The following MARCHF6 variants were observed in gnomAD, a reference collection of about 807,000 sequenced individuals.
MARCHF6 encodes the protein E3 ubiquitin-protein ligase MARCHF6.
MARCHF6 carries 31 observed loss-of-function variants against 133.7 expected under a neutral mutation model. The ratio of observed to expected loss-of-function variants is 0.23; its 90% CI spans 0.17 to 0.31. The LOEUF (loss-of-function observed/expected upper bound fraction) is 0.31, where lower values mean the gene tolerates loss of function less well. Ranked by LOEUF, MARCHF6 falls within the 10% of genes least tolerant of loss-of-function variation. MARCHF6 has a pLI of 1.00. For synonymous variants in MARCHF6, 395 were observed against 402.5 expected, an observed-to-expected ratio of 0.98 and a Z score of 0.22; for missense variants, 723 against 1,121.6, an observed-to-expected ratio of 0.64 and a Z score of 5.08.
intron 6 of MARCHF6, among the ~76,000 whole-genome samples, chr5:10,391,134 G>C (rs924869292): frequency 6.6e-6 from 1 of 152,086 alleles, no homozygotes; most frequent in Non-Finnish European, 1.5e-5. Flanking sequence ...CTAGTTTTTT[G>C]TTTGTTTTGG....
chr5:10,405,192 G>A (rs936569426), intron 15 of MARCHF6, among the ~76,000 whole-genome samples: 4 of 152,154 alleles, frequency 2.6e-5, no homozygotes, highest in Non-Finnish European at 5.9e-5. Flanking sequence ...ACAGGGGGAA[G>A]GCAAATCAGA....
intron 1 of MARCHF6, among the ~76,000 whole-genome samples, chr5:10,375,330 C>T (rs926261407): frequency 1.3e-5 from 2 of 152,198 alleles, no homozygotes; most frequent in Non-Finnish European, 2.9e-5. Flanking sequence ...GTACTGGGTC[C>T]CCCAGCAGTG....
chr5:10,398,291 AGAAGCCATGTGGTG>A (rs1221766294), intron 10 of MARCHF6, among the ~76,000 whole-genome samples: 1 of 152,202 alleles, frequency 6.6e-6, no homozygotes, highest in Non-Finnish European at 1.5e-5. Context: ...GTCTTTAATA[AGAAGCCATGTGGTG>A]TAAGGGGCTT....
At chr5:10,394,634 T>G (rs751648309) in intron 8 of MARCHF6, 119 bp from the exon 9 acceptor site, 2 of 715,456 alleles carry the variant, frequency 2.8e-6, no homozygotes, top group Non-Finnish European at 4.8e-6. Context: ...TTGGAAAGTA[T>G]AGGAAGTGGG....
intron 7 of MARCHF6, among the ~76,000 whole-genome samples, chr5:10,392,298 T>A (rs1269094698): frequency 2.0e-5 from 3 of 152,150 alleles, no homozygotes; most frequent in Non-Finnish European, 4.4e-5. Context: ...AGAAACTATT[T>A]TTTAAGTTGG....
rs908003205 is a variant in MARCHF6 at position 10,379,925 on chromosome 5, C to T, written c.190+1093C>T. Among the ~76,000 whole-genome samples, 7 of 152,130 alleles carry T rather than the reference C, an allele frequency of 4.6e-5. No individual in the cohort carries two copies. In the Middle Eastern group the frequency reaches 0.01, roughly 222 times the overall value. On this transcript the variant is annotated intron_variant, in intron 3 of 25. Coordinates refer to ENST00000274140, the MANE Select transcript of MARCHF6 (RefSeq NM_005885.4). The stretch of plus-strand genomic sequence containing the variant: ...TTGGCCAAACAAAGTTTTAAATTAC[C>T]GTTTTTTTCATGAGGCTAACTTTTA...
At chr5:10,413,187 C>CT in intron 19 of MARCHF6, 1 of 152,362 alleles carries the variant, frequency 6.6e-6, no homozygotes, top group Non-Finnish European at 1.5e-5. Context: ...TGAAGGTCAT[C>CT]TTTTCCTTTA....
chr5:10,418,771 A>T (rs1739674647), intron 22 of MARCHF6, among the ~76,000 whole-genome samples: 1 of 152,208 alleles, frequency 6.6e-6, no homozygotes, highest in Non-Finnish European at 1.5e-5. Flanking sequence ...CCAGATGAAA[A>T]TGAGGCTAGT....
At chr5:10,396,323 T>G (rs758024494) in intron 9 of MARCHF6, among the ~76,000 whole-genome samples, 2 of 152,154 alleles carry the variant, frequency 1.3e-5, no homozygotes, top group Non-Finnish European at 2.9e-5. Flanking sequence ...GATTAGGTCT[T>G]TCTTAGTGGA....
intron 1 of MARCHF6, among the ~76,000 whole-genome samples, chr5:10,373,006 G>A (rs1375118006): frequency 6.6e-6 from 1 of 151,918 alleles, no homozygotes; most frequent in Non-Finnish European, 1.5e-5. Context: ...GTTACAGTGA[G>A]CTATGGTGGT....
intron 1 of MARCHF6, among the ~76,000 whole-genome samples, chr5:10,374,140 C>T (rs539538050): frequency 6.6e-6 from 1 of 152,178 alleles, no homozygotes; most frequent in South Asian, 2.1e-4. Flanking sequence ...GCAGCAGGCG[C>T]ACAAATTACC....
At chr5:10,379,220 T>C (rs997505116) in intron 3 of MARCHF6, among the ~76,000 whole-genome samples, 1 of 152,184 alleles carries the variant, frequency 6.6e-6, no homozygotes, top group East Asian at 1.9e-4. Flanking sequence ...TTTATCCTTT[T>C]ATTTTTTTCT....
At chr5:10,371,592 T>C (rs571859643) in intron 1 of MARCHF6, among the ~76,000 whole-genome samples, 228 of 152,210 alleles carry the variant, frequency 1.5e-3, no homozygotes, top group African/African-American at 5.4e-3. Flanking sequence ...GAGAACAGCA[T>C]TGCAAAGACT....
intron 22 of MARCHF6, chr5:10,421,889 T>C (rs375170614): frequency 4.0e-4 from 61 of 152,240 alleles, no homozygotes; most frequent in African/African-American, 1.4e-3. Context: ...CCAAGCCTCC[T>C]TGAGGCTGCA....
At position 10,390,254 on chromosome 5, in the gene MARCHF6, A is replaced by T. The variant is rs1270449796; in HGVS notation, c.408-78A>T. ...TTTTTTTTTTTTCTGAGACTTTAGT[A>T]TAAGAAAATTTTTTACCTTTGTTTT... On this transcript the variant is annotated intron_variant, in intron 5 of 25. Transcript: ENST00000274140. 9 of 1,179,346 alleles carry T rather than the reference A, an allele frequency of 7.6e-6. No individual in the cohort carries two copies. In the African/African-American group the frequency reaches 1.3e-4, roughly 17 times the overall value. The allele number at this position is 1,179,346 out of a possible 1,614,324, so 73.1% of individuals were successfully genotyped here. A position where few individuals can be genotyped will look rare whatever the true frequency, so the allele number is the denominator to read the frequency against.
chr5:10,408,760 A>C (rs954928640), intron 17 of MARCHF6, among the ~76,000 whole-genome samples: 2 of 152,116 alleles, frequency 1.3e-5, no homozygotes, highest in Admixed American at 6.5e-5. Context: ...GCTGGTCTTG[A>C]ATTCCTGAGC....
chr5:10,424,246 G>A (rs987783720), intron 23 of MARCHF6, among the ~76,000 whole-genome samples: 2 of 152,180 alleles, frequency 1.3e-5, no homozygotes, highest in Non-Finnish European at 2.9e-5. Flanking sequence ...GGGGTGGCAA[G>A]TGAGGGGAAG....
At chr5:10,374,735 A>C (rs1037853322) in intron 1 of MARCHF6, among the ~76,000 whole-genome samples, 3 of 152,188 alleles carry the variant, frequency 2.0e-5, no homozygotes, top group Non-Finnish European at 4.4e-5. Flanking sequence ...CATAAATGTG[A>C]TGTTGACCAC....
intron 18 of MARCHF6, among the ~76,000 whole-genome samples, chr5:10,410,613 C>G (rs1056517934): frequency 2.0e-5 from 3 of 151,876 alleles, no homozygotes; most frequent in Admixed American, 2.0e-4. Flanking sequence ...ATTTAGTGCT[C>G]ATAACCTGGG....
Sources: gnomAD v4.1 joint callset for allele counts (sites outside exome capture counted in the v4.1 genomes callset) on GRCh38, gnomAD v4.1.1 for gene constraint, MANE v1.5 for transcripts, NCBI Gene and HGNC (gene_info 2026-07-23, HGNC 2026-07-21) for gene names.